Variants in PARD3 observed in about 807,000 individuals in gnomAD.
PARD3 encodes the protein partitioning defective 3 homolog.
In PARD3, 75 loss-of-function variants were observed where a neutral mutation model predicts 155.4. That is an observed-to-expected ratio of 0.48 (90% confidence interval 0.40 to 0.58). The LOEUF (loss-of-function observed/expected upper bound fraction) is 0.58, where lower values mean the gene tolerates loss of function less well. Ranked by LOEUF, PARD3 falls within the 20% of genes least tolerant of loss-of-function variation. PARD3 has a pLI of 0.00. For missense variants in PARD3, 1,642 were observed against 1,721.7 expected (o/e 0.95, Z 0.82); for synonymous variants, 576 against 610.5 (o/e 0.94, Z 0.83).
At chr10:34,785,339 T>C (rs1288254889) in intron 1 of PARD3, among the ~76,000 whole-genome samples, 1 of 152,220 alleles carries the variant, frequency 6.6e-6, no homozygotes, top group African/African-American at 2.4e-5. Context: ...ACCCCAGAAA[T>C]ATAAATCCAC....
chr10:34,782,340 G>C (rs1183751959), intron 1 of PARD3, among the ~76,000 whole-genome samples: 1 of 152,170 alleles, frequency 6.6e-6, no homozygotes, highest in African/African-American at 2.4e-5. Context: ...CAAAATTTTA[G>C]AAAGGTTACC....
chr10:34,757,125 C>G (rs1320798461), intron 1 of PARD3, among the ~76,000 whole-genome samples: 2 of 152,158 alleles, frequency 1.3e-5, no homozygotes, highest in Non-Finnish European at 2.9e-5. Context: ...CATTTTGCAT[C>G]TTTTTCTTTA....
intron 1 of PARD3, among the ~76,000 whole-genome samples, chr10:34,705,650 A>C (rs953638884): frequency 3.3e-5 from 5 of 152,180 alleles, no homozygotes; most frequent in African/African-American, 1.2e-4. Flanking sequence ...GTTCAACAAC[A>C]AAATAATGAC....
intron 2 of PARD3, among the ~76,000 whole-genome samples, chr10:34,691,364 T>A (rs546469132): frequency 6.6e-6 from 1 of 151,924 alleles, no homozygotes; most frequent in Non-Finnish European, 1.5e-5. Flanking sequence ...AAGAATAACA[T>A]GCCTAGGAAT....
At chr10:34,723,244 T>C (rs973509325) in intron 1 of PARD3, among the ~76,000 whole-genome samples, 14 of 152,122 alleles carry the variant, frequency 9.2e-5, no homozygotes, top group Non-Finnish European at 1.6e-4. Context: ...CTTGGGAGGC[T>C]GCGGCAGGAG....
chr10:34,762,048 C>A (rs1837508277), intron 1 of PARD3, among the ~76,000 whole-genome samples: 1 of 152,148 alleles, frequency 6.6e-6, no homozygotes, highest in Non-Finnish European at 1.5e-5. Context: ...AGTTTACACC[C>A]ATACTTTTAT....
chr10:34,117,341 C>G (rs996245303), intron 24 of PARD3, among the ~76,000 whole-genome samples: 3 of 152,216 alleles, frequency 2.0e-5, no homozygotes, highest in Non-Finnish European at 4.4e-5. Flanking sequence ...CTGGCCCACC[C>G]GTGTGGTCGT....
At chr10:34,800,982 C>G (rs1314733412) in intron 1 of PARD3, among the ~76,000 whole-genome samples, 1 of 152,186 alleles carries the variant, frequency 6.6e-6, no homozygotes, top group Non-Finnish European at 1.5e-5. Context: ...CTGCCTCGGA[C>G]TAAAATCCCC....
At chr10:34,785,283 CA>C (rs1247118126) in intron 1 of PARD3, among the ~76,000 whole-genome samples, 2 of 152,176 alleles carry the variant, frequency 1.3e-5, no homozygotes, top group African/African-American at 2.4e-5. Context: ...CAAAAAACCT[CA>C]ATATCCAAAA....
chr10:34,648,101 T>C (rs2092899825), intron 2 of PARD3, among the ~76,000 whole-genome samples: 2 of 152,234 alleles, frequency 1.3e-5, no homozygotes, highest in Non-Finnish European at 2.9e-5. Context: ...CCATGCGGCC[T>C]GCACATGAGT....
chr10:34,275,440 G>A (rs1262985726), intron 21 of PARD3, among the ~76,000 whole-genome samples: 2 of 152,166 alleles, frequency 1.3e-5, no homozygotes, highest in African/African-American at 2.4e-5. Context: ...TAATGCTAAC[G>A]AGGCTTGCTG....
At chr10:34,128,618 T>A (rs919556290) in intron 23 of PARD3, among the ~76,000 whole-genome samples, 10 of 152,190 alleles carry the variant, frequency 6.6e-5, no homozygotes, top group Admixed American at 6.5e-4. Flanking sequence ...CCAACCCCCA[T>A]GTTGTTTAAG....
chr10:34,678,421 G>C (rs1189117016), intron 2 of PARD3, among the ~76,000 whole-genome samples: 2 of 152,160 alleles, frequency 1.3e-5, no homozygotes, highest in African/African-American at 4.8e-5. Context: ...ACAATGTACA[G>C]AACTGTGAAA....
At chr10:34,514,295 T>C (rs2081574422) in intron 3 of PARD3, among the ~76,000 whole-genome samples, 1 of 152,222 alleles carries the variant, frequency 6.6e-6, no homozygotes, top group South Asian at 2.1e-4. Flanking sequence ...CTACATATTG[T>C]TGGCTTCTTT....
intron 3 of PARD3, among the ~76,000 whole-genome samples, chr10:34,493,360 G>T (rs2080045048): frequency 6.6e-6 from 1 of 152,044 alleles, no homozygotes; most frequent in South Asian, 2.1e-4. Context: ...TCTACTCCTG[G>T]CTCCTACCAT....
At chr10:34,445,882 G>C (rs1001040758) in intron 5 of PARD3, among the ~76,000 whole-genome samples, 1 of 151,632 alleles carries the variant, frequency 6.6e-6, no homozygotes, top group African/African-American at 2.4e-5. Context: ...AGATCTGACT[G>C]TGTGAAGTGA....
rs550437900 is a variant in PARD3, at chr10:34,461,312, T to A, written c.582+8773A>T. Among the ~76,000 whole-genome samples the A allele has an allele frequency of 6.9e-4, 105 of 152,174 alleles. 1 individual carries two copies. The South Asian group carries it at 7.9e-3, about 11-fold the overall frequency. ...AAAAAATTAAAAATAGAAACTAGCT[T>A]AAAAAGATGAAGCCAGGCATGGTGG... On this transcript the variant is annotated intron_variant, in intron 4 of 24. Transcript: ENST00000374788.
intron 5 of PARD3, among the ~76,000 whole-genome samples, chr10:34,440,927 C>A (rs1344156005): frequency 6.6e-6 from 1 of 151,024 alleles, no homozygotes; most frequent in East Asian, 1.9e-4. Flanking sequence ...CTACACACGC[C>A]CGCCAAAAAC....
intron 22 of PARD3, among the ~76,000 whole-genome samples, chr10:34,268,783 TG>T (rs963663670): frequency 2.6e-5 from 4 of 151,394 alleles, no homozygotes; most frequent in African/African-American, 7.3e-5. Context: ...TGTCATGGGA[TG>T]GGGGGAGGGG....
Sources: allele counts gnomAD v4.1 joint callset (sites outside exome capture counted in the v4.1 genomes callset), GRCh38; gene constraint gnomAD v4.1.1; transcripts MANE v1.5; gene names NCBI Gene and HGNC (gene_info 2026-07-23, HGNC 2026-07-21).